The following MAP4K3 variants were observed in gnomAD, a reference collection of about 807,000 sequenced individuals.
MAP4K3 encodes mitogen-activated protein kinase kinase kinase kinase 3.
A neutral mutation model predicts 143.5 loss-of-function variants in MAP4K3; 94 were observed. The observed-to-expected ratio is 0.65, with a 90% CI of 0.55 to 0.78. The LOEUF is 0.78. MAP4K3 is among the 30% of genes least tolerant of loss of function. The pLI is 0.00. For missense variants in MAP4K3, 1,077 were observed against 1,068.1 expected (o/e 1.01, Z -0.12); for synonymous variants, 416 against 347.2 (o/e 1.20, Z -2.20).
At chr2:39,256,844 G>A (rs1444501566) in intron 31 of MAP4K3, among the ~76,000 whole-genome samples, 1 of 152,152 alleles carries the variant, frequency 6.6e-6, no homozygotes, top group African/African-American at 2.4e-5. Context: ...GGTACCACAA[G>A]CAATGAACTT....
rs113995228 is a variant in MAP4K3, at chr2:39,306,826, C to T, written c.1119+1117G>A. 9.7e-3 allele frequency among the ~76,000 whole-genome samples: 1,474 copies of T among 152,314 alleles called. 12 individuals are homozygous for T. The highest frequency in any genetic ancestry group is 0.017 in the Non-Finnish European group (1,124 of 68,022). On this transcript the variant is annotated intron_variant, in intron 15 of 33. Coordinates refer to ENST00000263881, the MANE Select transcript of MAP4K3 (RefSeq NM_003618.4). ...CATTAGTCTTAGTCCCTCCCAGAAGCCAGATAAGCCACATGGGCCCCAGAG... is the reference window on the plus strand; with the variant it reads ...CATTAGTCTTAGTCCCTCCCAGAAGTCAGATAAGCCACATGGGCCCCAGAG...
intron 2 of MAP4K3, among the ~76,000 whole-genome samples, chr2:39,368,704 A>T (rs1180670520): frequency 2.6e-5 from 4 of 152,068 alleles, no homozygotes; most frequent in African/African-American, 9.7e-5. Flanking sequence ...CAAAAAAGAA[A>T]AAAAGTTAAA....
rs184311221 is a variant in MAP4K3 at position 39,426,625 on chromosome 2, G to A, written c.96+10267C>T. Among the ~76,000 whole-genome samples, 384 of 151,810 alleles carry A rather than the reference G, an allele frequency of 2.5e-3. 1 individual carries two copies. Among genetic ancestry groups the A allele is most frequent in the African/African-American group, 8.6e-3 (358 of 41,468 alleles). Reference sequence around the variant, plus strand: ...TAAATGTGGTAAAGTATTAGCCATCGGTGAATCTTGGAAAGGATGTATGAG... The same window carrying A: ...TAAATGTGGTAAAGTATTAGCCATCAGTGAATCTTGGAAAGGATGTATGAG... On this transcript the variant is annotated intron_variant, in intron 1 of 33. Coordinates refer to ENST00000263881, the MANE Select transcript of MAP4K3 (RefSeq NM_003618.4).
rs933542906 is a variant in MAP4K3 at position 39,374,143 on chromosome 2, A to G, written c.154+3923T>C. 7.2e-5 allele frequency among the ~76,000 whole-genome samples: 11 copies of G among 152,294 alleles called. No individual in the cohort carries two copies. The South Asian group carries it at 2.1e-3, about 29-fold the overall frequency. ...ACATCTGTAATCCCAGTACTTTGGG[A>G]GGCCCAGGCAGGCGGATCACTTGAT... On this transcript the variant is annotated intron_variant, in intron 2 of 33. Coordinates refer to ENST00000263881, the MANE Select transcript of MAP4K3 (RefSeq NM_003618.4).
intron 1 of MAP4K3, among the ~76,000 whole-genome samples, chr2:39,410,384 G>C (rs1263443422): frequency 6.6e-6 from 1 of 152,164 alleles, no homozygotes; most frequent in Non-Finnish European, 1.5e-5. Context: ...GAAAATTAGA[G>C]CAATAAAATC....
intron 33 of MAP4K3, 89 bp downstream of exon 33, chr2:39,251,741 T>C (rs994389483): frequency 9.1e-7 from 1 of 1,104,404 alleles, no homozygotes; most frequent in African/African-American, 1.6e-5. Context: ...ATTGCAGACA[T>C]TTCAATTCTC....
At chr2:39,309,399 C>T in intron 14 of MAP4K3, 62 bp downstream of exon 14, 5 of 1,310,968 alleles carry the variant, frequency 3.8e-6, no homozygotes, top group Non-Finnish European at 5.4e-6. Context: ...ACTAATACAT[C>T]ACACAAAAAC....
intron 29 of MAP4K3, 79 bp from the exon 30 acceptor site, chr2:39,258,666 T>C: frequency 1.0e-6 from 1 of 993,974 alleles, no homozygotes; most frequent in Non-Finnish European, 1.6e-6. Context: ...AAAAGAATTC[T>C]GAGGATAACA....
chr2:39,436,108 C>T (rs1227585158), intron 1 of MAP4K3, among the ~76,000 whole-genome samples: 1 of 152,140 alleles, frequency 6.6e-6, no homozygotes. Context: ...AACTGTGAGG[C>T]CAAGAGTTGA....
intron 2 of MAP4K3, 81 bp downstream of exon 2, chr2:39,377,985 T>C: frequency 2.3e-6 from 2 of 854,578 alleles, no homozygotes; most frequent in Non-Finnish European, 3.8e-6. Context: ...AAGAGAATGT[T>C]AACCAAACAT....
intron 1 of MAP4K3, among the ~76,000 whole-genome samples, chr2:39,385,297 G>T (rs1336179411): frequency 6.6e-6 from 1 of 152,152 alleles, no homozygotes; most frequent in East Asian, 1.9e-4. Flanking sequence ...TTCATTCCCA[G>T]AAGCAACGCA....
Position 39,369,887 on chromosome 2 carries a change from C to A in MAP4K3, c.154+8179G>T, listed in dbSNP as rs80337044. Among the ~76,000 whole-genome samples the A allele has an allele frequency of 1.7e-3, 254 of 152,322 alleles. 6 individuals are homozygous for A. In the East Asian group the frequency reaches 0.023, roughly 14 times the overall value. ...AAGTCTTTCTAGTCACAGCCATCAC[C>A]GTTCCTTACTGCCAGCACCACCACC... is the stretch of plus-strand genomic sequence containing the variant. On this transcript the variant is annotated intron_variant, in intron 2 of 33. Coordinates refer to ENST00000263881, the MANE Select transcript of MAP4K3 (RefSeq NM_003618.4).
intron 1 of MAP4K3, among the ~76,000 whole-genome samples, chr2:39,435,662 C>G (rs1665441832): frequency 6.6e-6 from 1 of 152,068 alleles, no homozygotes; most frequent in Non-Finnish European, 1.5e-5. Flanking sequence ...CTGTCCTTGT[C>G]CAAAAAAATA....
intron 1 of MAP4K3, among the ~76,000 whole-genome samples, chr2:39,404,070 G>A (rs754515340): frequency 4.6e-5 from 7 of 152,140 alleles, no homozygotes; most frequent in African/African-American, 1.7e-4. Flanking sequence ...TGAATAACCA[G>A]CAGCAAAACC....
intron 2 of MAP4K3, among the ~76,000 whole-genome samples, chr2:39,367,195 T>C (rs1665946624): frequency 6.6e-6 from 1 of 152,226 alleles, no homozygotes; most frequent in Non-Finnish European, 1.5e-5. Flanking sequence ...TGAATGGCCT[T>C]TGAACTTGGG....
At chr2:39,252,910 A>T (rs1222822357) in intron 32 of MAP4K3, among the ~76,000 whole-genome samples, 1 of 152,160 alleles carries the variant, frequency 6.6e-6, no homozygotes, top group African/African-American at 2.4e-5. Context: ...ACATTTTTGG[A>T]GGTGTGTATT....
At chr2:39,371,029 C>T (rs1404253161) in intron 2 of MAP4K3, among the ~76,000 whole-genome samples, 3 of 151,310 alleles carry the variant, frequency 2.0e-5, no homozygotes, top group African/African-American at 4.9e-5. Flanking sequence ...ATTTTTTTTT[C>T]CCAAATAAGT....
intron 4 of MAP4K3, among the ~76,000 whole-genome samples, chr2:39,338,008 C>G (rs1002050507): frequency 3.3e-5 from 5 of 152,094 alleles, no homozygotes; most frequent in Non-Finnish European, 7.4e-5. Context: ...AGCAATCTTC[C>G]TGCCTCAGCC....
chr2:39,286,875 T>A lies in MAP4K3; in HGVS notation c.1564A>T (p.Arg522Ter). The A allele has an allele frequency of 6.2e-7, 1 of 1,606,698 alleles. No homozygotes were observed. The highest frequency in any genetic ancestry group is 1.3e-5 in the African/African-American group (1 of 74,958). Reference protein sequence around the residue: ...QNEHRGTNLSRKEKKDVPKPI... With the variant: ...QNEHRGTNLS ...ACTGGTACATCTTTCTTTTCTTTTC[T>A]TGAAAGGTTTGTGCCTCTATGTTCA... is the stretch of plus-strand genomic sequence containing the variant. Residue 522 changes from arginine to a stop codon, truncating the protein, a stop_gained, in exon 21 of 34, where the codon AGA becomes TGA. Transcript: ENST00000263881. LOFTEE classifies it high-confidence loss of function.
Sources: allele counts gnomAD v4.1 joint callset (sites outside exome capture counted in the v4.1 genomes callset), GRCh38; gene constraint gnomAD v4.1.1; transcripts MANE v1.5; gene names NCBI Gene and HGNC (gene_info 2026-07-23, HGNC 2026-07-21).